Variants in SPOCK1 observed in about 807,000 individuals in gnomAD.
SPOCK1 encodes testican-1.
A neutral mutation model predicts 55.3 loss-of-function variants in SPOCK1; 23 were observed. The ratio of observed to expected loss-of-function variants is 0.42; its 90% CI spans 0.30 to 0.59. SPOCK1 has a LOEUF of 0.59. SPOCK1 is among the 20% of genes least tolerant of loss of function. The pLI is 0.22. For synonymous variants in SPOCK1, 226 were observed against 221.0 expected (o/e 1.02, Z -0.20); for missense variants, 499 against 552.5 (o/e 0.90, Z 0.97).
At chr5:137,244,890 G>A (rs1028076491) in intron 3 of SPOCK1, among the ~76,000 whole-genome samples, 1 of 152,176 alleles carries the variant, frequency 6.6e-6, no homozygotes, top group Non-Finnish European at 1.5e-5. Context: ...AGGGTGGGGA[G>A]GGCAGACTCT....
chr5:137,056,877 C>T (rs950178062), intron 6 of SPOCK1, among the ~76,000 whole-genome samples: 3 of 152,052 alleles, frequency 2.0e-5, no homozygotes, highest in Non-Finnish European at 2.9e-5. Flanking sequence ...CCCCCACCAC[C>T]GACTGCTATG....
intron 3 of SPOCK1, among the ~76,000 whole-genome samples, chr5:137,214,119 C>T (rs1451212141): frequency 6.6e-6 from 1 of 152,160 alleles, no homozygotes; most frequent in Non-Finnish European, 1.5e-5. Flanking sequence ...TTCCAAATGA[C>T]AGTAAATAGT....
At chr5:137,120,550 C>G (rs761503876) in intron 4 of SPOCK1, among the ~76,000 whole-genome samples, 2 of 152,058 alleles carry the variant, frequency 1.3e-5, no homozygotes, top group African/African-American at 4.8e-5. Flanking sequence ...TGAACAGCCT[C>G]AAATGAGAAT....
In SPOCK1 at chr5:137,046,563, A is replaced by C. The variant is rs1469884778; in HGVS notation, c.589+21152T>G. ...GCTGAGACAATGGGGTTTTCTAGAT[A>C]AACAATCATGTCGTCTGCAAACAGG... is the stretch of plus-strand genomic sequence containing the variant. On this transcript the variant is annotated intron_variant, in intron 6 of 10. Coordinates refer to ENST00000394945, the MANE Select transcript of SPOCK1 (RefSeq NM_004598.4). Among the ~76,000 whole-genome samples, 1,021 of 132,828 alleles carry C rather than the reference A, an allele frequency of 7.7e-3. 12 individuals carry two copies. The highest frequency in any genetic ancestry group is 0.013 in the Non-Finnish European group (802 of 61,954). 87.1% of individuals were successfully genotyped at this position (132,828 alleles called of 152,430 possible).
intron 2 of SPOCK1, among the ~76,000 whole-genome samples, chr5:137,331,143 CCTGT>C (rs1407955703): frequency 6.6e-6 from 1 of 152,136 alleles, no homozygotes; most frequent in East Asian, 1.9e-4. Flanking sequence ...TTCATGCTAC[CCTGT>C]CTAAGGCCAA....
intron 2 of SPOCK1, among the ~76,000 whole-genome samples, chr5:137,405,521 G>A (rs756430146): frequency 1.1e-4 from 16 of 152,052 alleles, no homozygotes; most frequent in Non-Finnish European, 1.2e-4. Flanking sequence ...CAACTTCACC[G>A]TCCCACCTCT....
chr5:136,998,406 AAATG>A (rs1751087775), intron 6 of SPOCK1, among the ~76,000 whole-genome samples: 1 of 152,250 alleles, frequency 6.6e-6, no homozygotes, highest in Non-Finnish European at 1.5e-5. Flanking sequence ...AGTATATTTT[AAATG>A]AATGAACAAT....
intron 3 of SPOCK1, among the ~76,000 whole-genome samples, chr5:137,247,397 T>C (rs1484852921): frequency 6.6e-6 from 1 of 152,170 alleles, no homozygotes. Flanking sequence ...ATGCAGAAAT[T>C]ATGGCCTTGC....
intron 5 of SPOCK1, among the ~76,000 whole-genome samples, chr5:137,111,281 G>T (rs1753464734): frequency 6.6e-6 from 1 of 152,128 alleles, no homozygotes; most frequent in Non-Finnish European, 1.5e-5. Context: ...GAACCATGCA[G>T]CAGTGTGGCC....
intron 6 of SPOCK1, among the ~76,000 whole-genome samples, chr5:137,001,487 C>T (rs1232699409): frequency 6.6e-6 from 1 of 152,202 alleles, no homozygotes; most frequent in Non-Finnish European, 1.5e-5. Context: ...GCTCTCTCAA[C>T]TAGAGTTTCA....
At chr5:137,252,827 G>C (rs557275501) in intron 3 of SPOCK1, among the ~76,000 whole-genome samples, 1 of 152,320 alleles carries the variant, frequency 6.6e-6, no homozygotes, top group Admixed American at 6.5e-5. Flanking sequence ...GAATCCCTAA[G>C]AGCATGCCCT....
At chr5:137,077,916 A>G (rs914452995) in intron 5 of SPOCK1, among the ~76,000 whole-genome samples, 10 of 152,188 alleles carry the variant, frequency 6.6e-5, no homozygotes, top group African/African-American at 4.8e-5. Context: ...CTTCCCAGAA[A>G]CTCTAGGAAG....
chr5:137,124,449 A>C (rs17170994), intron 4 of SPOCK1, among the ~76,000 whole-genome samples: 1 of 152,190 alleles, frequency 6.6e-6, no homozygotes, highest in African/African-American at 2.4e-5. Context: ...GAAGGGCAAC[A>C]TGGGTGAATC....
chr5:137,255,391 G>A (rs1188898157), intron 3 of SPOCK1, among the ~76,000 whole-genome samples: 1 of 152,212 alleles, frequency 6.6e-6, no homozygotes, highest in African/African-American at 2.4e-5. Context: ...GAAACTCACT[G>A]CGCATGTGAT....
At chr5:137,182,658 C>A (rs1022927539) in intron 3 of SPOCK1, among the ~76,000 whole-genome samples, 13 of 152,116 alleles carry the variant, frequency 8.5e-5, no homozygotes, top group African/African-American at 2.4e-4. Flanking sequence ...GGTTTGCCTG[C>A]CAGACTGTGA....
intron 3 of SPOCK1, among the ~76,000 whole-genome samples, chr5:137,249,566 G>C (rs1424367309): frequency 6.6e-6 from 1 of 152,184 alleles, no homozygotes; most frequent in Non-Finnish European, 1.5e-5. Flanking sequence ...AGGCTATTAA[G>C]AATAGTTATC....
rs1053153470 is a variant in SPOCK1, at chr5:137,079,539, C to A, written c.475-11710G>T. ...TCCTACCATCCCATCTGATTCCCCC[C>A]CCCCCCGACTTAGTGAAATGTCGTA... On this transcript the variant is annotated intron_variant, in intron 5 of 10. Coordinates refer to ENST00000394945, the MANE Select transcript of SPOCK1 (RefSeq NM_004598.4). Among the ~76,000 whole-genome samples the A allele has an allele frequency of 1.0e-3, 150 of 149,104 alleles. 1 individual carries two copies. The highest frequency in any genetic ancestry group is 1.8e-3 in the East Asian group (9 of 4,882).
chr5:137,142,448 G>A (rs1050251911), intron 3 of SPOCK1, among the ~76,000 whole-genome samples: 2 of 152,156 alleles, frequency 1.3e-5, no homozygotes, highest in South Asian at 2.1e-4. Flanking sequence ...CTCCACTGCC[G>A]CAGCTTCAGC....
intron 2 of SPOCK1, among the ~76,000 whole-genome samples, chr5:137,295,046 C>G (rs1757452294): frequency 6.6e-6 from 1 of 152,196 alleles, no homozygotes; most frequent in Non-Finnish European, 1.5e-5. Flanking sequence ...TCTTCCTCTA[C>G]TCCCTCTAGG....
Sources: allele counts gnomAD v4.1 joint callset (sites outside exome capture counted in the v4.1 genomes callset), GRCh38; gene constraint gnomAD v4.1.1; transcripts MANE v1.5; gene names NCBI Gene and HGNC (gene_info 2026-07-23, HGNC 2026-07-21).